SYNPR: variants seen among roughly 807,000 people sequenced by gnomAD.
SYNPR encodes the protein synaptoporin.
In SYNPR, 23 loss-of-function variants were observed where a neutral mutation model predicts 32.9. That is an observed-to-expected ratio of 0.70 (90% confidence interval 0.50 to 0.99). The LOEUF is 0.99. Ranked by LOEUF, SYNPR falls within the 50% of genes least tolerant of loss-of-function variation. The probability of loss-of-function intolerance (pLI) is 0.00; values close to 1 mark genes in which losing one functional copy is unlikely to be tolerated. For synonymous variants in SYNPR, 146 were observed against 135.9 expected (o/e 1.07, Z -0.52); for missense variants, 318 against 349.3 (o/e 0.91, Z 0.71).
chr3:63,382,679 C>T (rs1041265117), intron 2 of SYNPR, among the ~76,000 whole-genome samples: 2 of 152,120 alleles, frequency 1.3e-5, no homozygotes, highest in Non-Finnish European at 2.9e-5. Context: ...AGGTCCCTGG[C>T]CAATCTGCCT....
chr3:63,361,540 G>C (rs188765781), intron 2 of SYNPR, among the ~76,000 whole-genome samples: 1 of 149,308 alleles, frequency 6.7e-6, no homozygotes, highest in African/African-American at 2.5e-5. Context: ...GGAGCTTGCA[G>C]TGAGCAGAGA....
chr3:63,362,571 T>G (rs1413949451), intron 2 of SYNPR, among the ~76,000 whole-genome samples: 1 of 152,192 alleles, frequency 6.6e-6, no homozygotes, highest in African/African-American at 2.4e-5. Context: ...TAAAGTAACC[T>G]TTATCTTCAA....
intron 4 of SYNPR, among the ~76,000 whole-genome samples, chr3:63,587,898 A>T (rs2106871738): frequency 6.6e-6 from 1 of 152,164 alleles, no homozygotes; most frequent in Admixed American, 6.6e-5. Flanking sequence ...GACGGGTGCA[A>T]CTGCAACCAT....
At chr3:63,280,852 T>C (rs866983229) in intron 2 of SYNPR, among the ~76,000 whole-genome samples, 6 of 152,330 alleles carry the variant, frequency 3.9e-5, no homozygotes, top group Non-Finnish European at 7.3e-5. Context: ...TCCAGGATTC[T>C]AAGGCTCGAA....
intron 2 of SYNPR, among the ~76,000 whole-genome samples, chr3:63,453,764 G>T (rs879087787): frequency 6.6e-6 from 1 of 152,100 alleles, no homozygotes; most frequent in Non-Finnish European, 1.5e-5. Flanking sequence ...TTTCTCGTCT[G>T]TTAAAAGAGG....
chr3:63,599,294 C>CA (rs756801067), intron 4 of SYNPR, among the ~76,000 whole-genome samples: 13 of 152,152 alleles, frequency 8.5e-5, no homozygotes, highest in Admixed American at 2.0e-4. Context: ...CAGTAGTGCA[C>CA]AATAATGTCT....
the SYNPR span, among the ~76,000 whole-genome samples, chr3:63,209,732 A>G: frequency 6.6e-6 from 1 of 152,188 alleles, no homozygotes; most frequent in East Asian, 1.9e-4. Context: ...TTCTTTTTCA[A>G]GGAAGAGTTC....
intron 2 of SYNPR, among the ~76,000 whole-genome samples, chr3:63,472,610 G>T (rs1290770283): frequency 1.3e-5 from 2 of 151,900 alleles, no homozygotes; most frequent in African/African-American, 4.8e-5. Context: ...GTGAGCCACC[G>T]ACAATGTTTT....
chr3:63,471,236 T>C (rs1700790278), intron 2 of SYNPR, among the ~76,000 whole-genome samples: 1 of 152,170 alleles, frequency 6.6e-6, no homozygotes, highest in African/African-American at 2.4e-5. Flanking sequence ...GCACAGGTAG[T>C]TATATATTGT....
intron 3 of SYNPR, among the ~76,000 whole-genome samples, chr3:63,515,679 T>A (rs1047043307): frequency 1.3e-5 from 2 of 152,132 alleles, no homozygotes; most frequent in African/African-American, 4.8e-5. Context: ...GGATCTTTTT[T>A]AATGACTCTG....
chr3:63,360,059 A>G (rs1170370833), intron 2 of SYNPR, among the ~76,000 whole-genome samples: 1 of 152,210 alleles, frequency 6.6e-6, no homozygotes, highest in Non-Finnish European at 1.5e-5. Flanking sequence ...AGACTTATGC[A>G]TCAAACTTCT....
At chr3:63,323,398 C>G (rs933279551) in intron 2 of SYNPR, among the ~76,000 whole-genome samples, 2 of 152,066 alleles carry the variant, frequency 1.3e-5, no homozygotes, top group Non-Finnish European at 2.9e-5. Context: ...GAAATTTATT[C>G]AATTCTACAG....
chr3:63,464,728 C>A (rs1255190061), intron 2 of SYNPR, among the ~76,000 whole-genome samples: 1 of 152,138 alleles, frequency 6.6e-6, no homozygotes, highest in Non-Finnish European at 1.5e-5. Context: ...CCAGCTCATG[C>A]AAATCATTTC....
At chr3:63,253,199 A>C (rs1337324727) in intron 2 of SYNPR, among the ~76,000 whole-genome samples, 1 of 152,164 alleles carries the variant, frequency 6.6e-6, no homozygotes, top group African/African-American at 2.4e-5. Context: ...GGGTGGATTT[A>C]AATTTTAATA....
chr3:63,372,814 C>T lies in SYNPR; in HGVS notation c.84+94072C>T, dbSNP rs546229426. The stretch of plus-strand genomic sequence containing the variant: ...GAGTCAAGTAAAGATCTGCAGCTAG[C>T]ACTTGAGTGGGAGAGGAGCCCACAC... On this transcript the variant is annotated intron_variant, in intron 2 of 5. Transcript: ENST00000478300. 2.0e-5 allele frequency among the ~76,000 whole-genome samples: 3 copies of T among 152,296 alleles called. No individual in the cohort carries two copies. The South Asian group carries it at 6.2e-4, about 32-fold the overall frequency.
At chr3:63,363,819 G>C (rs2087694681) in intron 2 of SYNPR, among the ~76,000 whole-genome samples, 1 of 152,172 alleles carries the variant, frequency 6.6e-6, no homozygotes, top group African/African-American at 2.4e-5. Context: ...TACAGTGAAA[G>C]TGCTATAAGA....
At chr3:63,488,510 T>A (rs6794733) in intron 3 of SYNPR, among the ~76,000 whole-genome samples, 65,679 of 151,940 alleles carry the variant, frequency 0.43, 14,245 homozygotes, top group East Asian at 0.49. Context: ...TAGTGAATTG[T>A]GCAGTGGAAG....
At chr3:63,575,445 CA>C (rs1702960604) in intron 4 of SYNPR, among the ~76,000 whole-genome samples, 1 of 152,120 alleles carries the variant, frequency 6.6e-6, no homozygotes, top group Non-Finnish European at 1.5e-5. Context: ...TAGCCCCCCT[CA>C]GTCACCAAGG....
intron 2 of SYNPR, among the ~76,000 whole-genome samples, chr3:63,420,898 T>G (rs550062973): frequency 3.3e-5 from 5 of 152,280 alleles, no homozygotes; most frequent in African/African-American, 9.6e-5. Flanking sequence ...TAATTAATTT[T>G]TTGAGTCACG....
Sources: allele counts gnomAD v4.1 joint callset (sites outside exome capture counted in the v4.1 genomes callset), GRCh38; gene constraint gnomAD v4.1.1; transcripts MANE v1.5; gene names NCBI Gene and HGNC (gene_info 2026-07-23, HGNC 2026-07-21).